MRPS18C: variants seen among roughly 807,000 people sequenced by gnomAD.
MRPS18C encodes small ribosomal subunit protein bS18m.
In MRPS18C, 21 loss-of-function variants were observed where a neutral mutation model predicts 21.0. That is an observed-to-expected ratio of 1.00 (90% CI 0.71 to 1.44). The LOEUF (loss-of-function observed/expected upper bound fraction) is 1.44, where lower values mean the gene tolerates loss of function less well. Ranked by LOEUF, MRPS18C falls within the 40% of genes most tolerant of loss-of-function variation. The probability of loss-of-function intolerance (pLI) is 0.00; values close to 1 mark genes in which losing one functional copy is unlikely to be tolerated. For synonymous variants in MRPS18C, 65 were observed against 54.3 expected (o/e 1.20, Z -0.87); for missense variants, 152 against 171.5 (o/e 0.89, Z 0.64).
At chr4:83,460,051 A>G (rs1233303102) in intron 4 of MRPS18C, 1 of 325,300 alleles carries the variant, frequency 3.1e-6, no homozygotes, top group Non-Finnish European at 5.5e-6. Context: ...GGAATATACT[A>G]TAATCATTCC....
intron 2 of MRPS18C, chr4:83,457,545 T>C (rs980963383): frequency 6.6e-6 from 1 of 152,388 alleles, no homozygotes; most frequent in Non-Finnish European, 1.5e-5. Flanking sequence ...ACAAAAGAAC[T>C]TGTCTAGTTT....
chr4:83,460,953 G>A lies in MRPS18C; in HGVS notation c.293-20G>A. The A allele has an allele frequency of 6.3e-7, 1 of 1,582,616 alleles. No homozygotes were observed. The highest frequency in any genetic ancestry group is 8.6e-7 in the Non-Finnish European group (1 of 1,169,346). ...AAATATTGACATTTTTTATGAATAA[G>A]AAAGCTTTTTATTTTACAGGTCTTT... On this transcript the variant is annotated intron_variant, in intron 4 of 5. Coordinates refer to ENST00000295491, the MANE Select transcript of MRPS18C (RefSeq NM_016067.4).
At chr4:83,460,493 G>A (rs950093290) in intron 4 of MRPS18C, 2 of 161,092 alleles carry the variant, frequency 1.2e-5, no homozygotes, top group Admixed American at 1.2e-4. Context: ...AGTGCCATAT[G>A]GTTGTTTTCG....
intron 3 of MRPS18C, chr4:83,458,699 A>G (rs1721959862): frequency 3.4e-6 from 1 of 296,102 alleles, no homozygotes; most frequent in Non-Finnish European, 6.2e-6. Flanking sequence ...GTAATTCTCA[A>G]TTGGTGAGGG....
intron 2 of MRPS18C, chr4:83,457,581 A>C (rs1217428048): frequency 6.6e-6 from 1 of 152,286 alleles, no homozygotes; most frequent in African/African-American, 2.4e-5. Flanking sequence ...TTGGTAATCT[A>C]ATCCATGCAC....
In MRPS18C at chr4:83,457,950, AGT is replaced by A. The variant is rs1721925995; in HGVS notation, c.151-394_151-393del. 3 of 194,028 alleles carry A rather than the reference AGT, an allele frequency of 1.5e-5. No homozygotes were observed. The South Asian group carries it at 2.7e-4, about 18-fold the overall frequency. The allele number at this position is 194,028 out of a possible 1,614,324, so 12.0% of individuals were successfully genotyped here. ...TGGGCCATTATCTGTGTATAAAAAT[AGT>A]GATAAAATACTTGATAGAGACATGG... On this transcript the variant is annotated intron_variant, in intron 2 of 5. Coordinates refer to ENST00000295491, the MANE Select transcript of MRPS18C (RefSeq NM_016067.4).
Position 83,456,113 on chromosome 4 carries a change from G to C in MRPS18C, c.36G>C (p.Gly12=). 4.3e-6 allele frequency: 7 copies of C among 1,613,048 alleles called. No individual in the cohort carries two copies. The South Asian group carries it at 4.4e-5, about 10-fold the overall frequency. ...TGGTTGCTGTTTGCGGTGGTCTAGG[G>C]AGGAAGAAGTTGACACACTTGGTAA... The part of the protein sequence containing the change: ...AAVVAVCGGL[G]RKKLTHLVTA... Residue 12 remains glycine (G), a synonymous_variant, in exon 1 of 6, where the codon GGG becomes GGC. Coordinates refer to ENST00000295491, the MANE Select transcript of MRPS18C (RefSeq NM_016067.4).
At chr4:83,458,693 T>C (rs1721959697) in intron 3 of MRPS18C, 1 of 304,826 alleles carries the variant, frequency 3.3e-6, no homozygotes, top group Non-Finnish European at 6.0e-6. Context: ...GTGGCAGTAA[T>C]TCTCAATTGG....
In MRPS18C at chr4:83,460,877, G is replaced by C. The variant is rs1280256534; in HGVS notation, c.293-96G>C. The C allele has an allele frequency of 3.8e-6, 4 of 1,041,720 alleles. No individual in the cohort carries two copies. In the East Asian group the frequency reaches 9.8e-5, roughly 26 times the overall value. 64.5% of individuals were successfully genotyped at this position (1,041,720 alleles called of 1,614,324 possible). On this transcript the variant is annotated intron_variant, in intron 4 of 5. Coordinates refer to ENST00000295491, the MANE Select transcript of MRPS18C (RefSeq NM_016067.4). The stretch of plus-strand genomic sequence containing the variant: ...GGCGAGAGAGCACCACTGTACTCCA[G>C]CCTGGGTGACACAGGGAGACTCCAT...
At position 83,461,241 on chromosome 4, in the gene MRPS18C, G is replaced by A. The variant is rs767501934; in HGVS notation, c.*44G>A. 6.4e-7 allele frequency: 1 copy of A among 1,560,088 alleles called. No homozygotes were observed. The highest frequency in any genetic ancestry group is 1.7e-5 in the Admixed American group (1 of 59,912). Reference sequence around the variant, plus strand: ...TAATAAACTTATTTTACAGTAAGTGGTTGTATGATGCCAATACTGACTCAA... The same window carrying A: ...TAATAAACTTATTTTACAGTAAGTGATTGTATGATGCCAATACTGACTCAA... On this transcript the variant is annotated 3_prime_UTR_variant, in exon 6 of 6. Coordinates refer to ENST00000295491, the MANE Select transcript of MRPS18C (RefSeq NM_016067.4).
chr4:83,460,855 G>A (rs377575434), intron 4 of MRPS18C, 118 bp from the exon 5 acceptor site: 14 of 812,112 alleles, frequency 1.7e-5, no homozygotes, highest in South Asian at 7.9e-5. Context: ...GCAGTGAGGC[G>A]AGAGAGCACC....
At chr4:83,459,845 T>G (rs1241238615) in intron 4 of MRPS18C, 48 bp downstream of exon 4, 2 of 1,443,712 alleles carry the variant, frequency 1.4e-6, no homozygotes, top group Admixed American at 2.0e-5. Flanking sequence ...ACGAATTATA[T>G]CAATCTATTT....
intron 1 of MRPS18C, 76 bp from the exon 2 acceptor site, chr4:83,456,833 C>A: frequency 6.9e-7 from 1 of 1,443,950 alleles, no homozygotes; most frequent in Non-Finnish European, 9.6e-7. Context: ...TTCATCCTGT[C>A]TCCATAAAAA....
Position 83,456,146 on chromosome 4 carries a change from T to C in MRPS18C, c.69T>C (p.Ala23=), listed in dbSNP as rs1721807369. The change falls in exon 1 of 6, where the codon GCT becomes GCC. Residue 23 remains alanine, a synonymous_variant. Coordinates refer to ENST00000295491, the MANE Select transcript of MRPS18C (RefSeq NM_016067.4). ...RKKLTHLVTA[A]VSLTHPGTHT... ...AGTTGACACACTTGGTAACGGCTGC[T>C]GTCAGCCTTACACATCCCGGGACTC... 1.2e-6 allele frequency: 2 copies of C among 1,613,866 alleles called. No homozygotes were observed. Among genetic ancestry groups the C allele is most frequent in the Non-Finnish European group, 1.7e-6 (2 of 1,180,024 alleles).
intron 4 of MRPS18C, 131 bp downstream of exon 4, chr4:83,459,928 G>T: frequency 1.5e-6 from 1 of 681,372 alleles, no homozygotes. Context: ...ACAGGGACTA[G>T]AGCTAGTTAC....
rs115270875 is a variant in MRPS18C at position 83,461,894 on chromosome 4, T to C, written c.*697T>C. The C allele has an allele frequency of 0.031, 7,143 of 229,204 alleles. 181 individuals are homozygous for C. The highest frequency in any genetic ancestry group is 0.047 in the Non-Finnish European group (5,494 of 115,672). The allele number at this position is 229,204 out of a possible 1,614,324, so 14.2% of individuals were successfully genotyped here. A position where few individuals can be genotyped will look rare whatever the true frequency, so the allele number is the denominator to read the frequency against. ...ACAAATGTAGGACAAATTTAAATTT[T>C]AGATGATGTTTTGCAAATTTATTGC... is the stretch of plus-strand genomic sequence containing the variant. On this transcript the variant is annotated 3_prime_UTR_variant, in exon 6 of 6. Coordinates refer to ENST00000295491, the MANE Select transcript of MRPS18C (RefSeq NM_016067.4).
chr4:83,461,033 G>C lies in MRPS18C; in HGVS notation c.352+1G>C. 1 of 1,612,780 alleles carries C rather than the reference G, an allele frequency of 6.2e-7. No homozygotes were observed. Among genetic ancestry groups the C allele is most frequent in the Non-Finnish European group, 8.5e-7 (1 of 1,179,340 alleles). The stretch of plus-strand genomic sequence containing the variant: ...GCAATTAAGAGAGCTCAAATAATGG[G>C]TAAGAAAGAATACCTCAACAACTGA... On this transcript the variant is annotated splice_donor_variant, in intron 5 of 5. Transcript: ENST00000295491. LOFTEE classifies it high-confidence loss of function.
At chr4:83,458,474 G>T in intron 3 of MRPS18C, 45 bp downstream of exon 3, 1 of 1,404,662 alleles carries the variant, frequency 7.1e-7, no homozygotes, top group South Asian at 1.2e-5. Context: ...TTTTGCTTCT[G>T]ATAGATCTGC....
In MRPS18C at chr4:83,462,128, A is replaced by G. The variant is rs757246651; in HGVS notation, c.*931A>G. On this transcript the variant is annotated 3_prime_UTR_variant, in exon 6 of 6. Transcript: ENST00000295491. ...GGCTGGTCTCTAACTCCTAACTTCA[A>G]TCAATCCTCCTGACTTGTCTTCCCT... The G allele has an allele frequency of 4.7e-5, 12 of 257,562 alleles. No homozygotes were observed. The highest frequency in any genetic ancestry group is 6.7e-5 in the Non-Finnish European group (9 of 135,072). The allele number at this position is 257,562 out of a possible 1,614,324, so 16.0% of individuals were successfully genotyped here.
Sources: gnomAD v4.1 joint callset for allele counts on GRCh38, gnomAD v4.1.1 for gene constraint, MANE v1.5 for transcripts, NCBI Gene and HGNC (gene_info 2026-07-23, HGNC 2026-07-21) for gene names.